PACSIN1: variants seen among roughly 807,000 people sequenced by gnomAD.
The protein encoded by PACSIN1 is protein kinase C and casein kinase substrate in neurons 1.
A neutral mutation model predicts 59.5 loss-of-function variants in PACSIN1; 15 were observed. The ratio of observed to expected loss-of-function variants is 0.25; its 90% CI spans 0.17 to 0.39. PACSIN1 has a LOEUF of 0.39. PACSIN1 is among the 10% of genes least tolerant of loss of function. The probability of loss-of-function intolerance (pLI) is 1.00; values close to 1 mark genes in which losing one functional copy is unlikely to be tolerated. For synonymous variants in PACSIN1, 210 were observed against 220.6 expected, an observed-to-expected ratio of 0.95 and a Z score of 0.42; for missense variants, 420 against 580.2, an observed-to-expected ratio of 0.72 and a Z score of 2.84.
intron 1 of PACSIN1, among the ~76,000 whole-genome samples, chr6:34,484,765 C>T (rs1338019787): frequency 3.3e-5 from 5 of 151,768 alleles, no homozygotes. Context: ...TAAAACTGCT[C>T]TAAAAAATAA....
At chr6:34,472,291 A>G (rs929711865) in intron 1 of PACSIN1, among the ~76,000 whole-genome samples, 10 of 151,550 alleles carry the variant, frequency 6.6e-5, no homozygotes, top group South Asian at 4.2e-4. Context: ...AAAAAAAAAA[A>G]AAAGAACAAT....
chr6:34,490,023 T>C (rs1003477990), intron 1 of PACSIN1, among the ~76,000 whole-genome samples: 7 of 152,046 alleles, frequency 4.6e-5, no homozygotes, highest in Admixed American at 6.6e-5. Context: ...GGACTTTCCA[T>C]TGGGTTGCTG....
intron 1 of PACSIN1, among the ~76,000 whole-genome samples, chr6:34,490,490 C>T (rs1192346581): frequency 6.6e-6 from 1 of 152,100 alleles, no homozygotes; most frequent in African/African-American, 2.4e-5. Context: ...TCTGACCCAG[C>T]TGCTAGCGGT....
At chr6:34,505,854 A>G (rs1767104425) in intron 1 of PACSIN1, among the ~76,000 whole-genome samples, 2 of 151,056 alleles carry the variant, frequency 1.3e-5, no homozygotes, top group African/African-American at 2.4e-5. Flanking sequence ...CTGGTCTCGA[A>G]CTCCTGGCCT....
intron 1 of PACSIN1, among the ~76,000 whole-genome samples, chr6:34,490,100 T>C (rs1766853374): frequency 6.6e-6 from 1 of 151,384 alleles, no homozygotes; most frequent in South Asian, 2.1e-4. Flanking sequence ...CAGGCTGGAG[T>C]ACAGTAGTGT....
intron 1 of PACSIN1, among the ~76,000 whole-genome samples, chr6:34,489,333 A>G (rs1443935521): frequency 6.6e-6 from 1 of 152,214 alleles, no homozygotes; most frequent in Non-Finnish European, 1.5e-5. Flanking sequence ...ATGCTCAACA[A>G]TACAGCACGT....
chr6:34,527,608 T>C (rs1177870977), intron 3 of PACSIN1, 120 bp downstream of exon 3: 58 of 884,156 alleles, frequency 6.6e-5, no homozygotes, highest in Non-Finnish European at 9.1e-5. Flanking sequence ...ACACAGGACA[T>C]TTTCAGGCGC....
Position 34,518,725 on chromosome 6 carries a change from G to T in PACSIN1, c.-63-7518G>T, listed in dbSNP as rs1210809223. On this transcript the variant is annotated intron_variant, in intron 1 of 9. Transcript: ENST00000244458. This position sits in a 1 kb window ranked among gnomAD's most constrained non-coding sequence, Gnocchi z 4.4. Reference sequence around the variant, plus strand: ...GGGTATGTAAACGCCACCTTCCAGTGGCTCTCCACCACCCTTTGCCCTGTC... The same window carrying T: ...GGGTATGTAAACGCCACCTTCCAGTTGCTCTCCACCACCCTTTGCCCTGTC... Among the ~76,000 whole-genome samples, 1 of 152,224 alleles carries T rather than the reference G, an allele frequency of 6.6e-6. No homozygotes were observed. The highest frequency in any genetic ancestry group is 1.5e-5 in the Non-Finnish European group (1 of 68,036).
chr6:34,516,067 G>T lies in PACSIN1; in HGVS notation c.-63-10176G>T, dbSNP rs903683584. ...AGGGAGGAGATGCTAGCCTGCAAGGGGCAGAAGGTTGATGTGTGCAACTAT... is the reference window on the plus strand; with the variant it reads ...AGGGAGGAGATGCTAGCCTGCAAGGTGCAGAAGGTTGATGTGTGCAACTAT... On this transcript the variant is annotated intron_variant, in intron 1 of 9. Coordinates refer to ENST00000244458, the MANE Select transcript of PACSIN1 (RefSeq NM_020804.5). This position sits in a 1 kb window ranked among gnomAD's most constrained non-coding sequence, Gnocchi z 5.4. 2.6e-5 allele frequency among the ~76,000 whole-genome samples: 4 copies of T among 152,138 alleles called. No individual in the cohort carries two copies. Among genetic ancestry groups the T allele is most frequent in the Non-Finnish European group, 4.4e-5 (3 of 68,014 alleles).
intron 1 of PACSIN1, among the ~76,000 whole-genome samples, chr6:34,474,605 C>A (rs1284190929): frequency 6.6e-6 from 1 of 151,952 alleles, no homozygotes; most frequent in Non-Finnish European, 1.5e-5. Flanking sequence ...GCCTGGCCAA[C>A]ATGGTGAAAC....
At chr6:34,520,296 G>A (rs1009587633) in intron 1 of PACSIN1, among the ~76,000 whole-genome samples, 14 of 152,228 alleles carry the variant, frequency 9.2e-5, no homozygotes, top group African/African-American at 3.4e-4. Flanking sequence ...GGCGAGGAGT[G>A]GGTTGGGGGG....
intron 1 of PACSIN1, among the ~76,000 whole-genome samples, chr6:34,504,457 A>C (rs1268882903): frequency 6.6e-6 from 1 of 151,808 alleles, no homozygotes; most frequent in Non-Finnish European, 1.5e-5. Context: ...CACCCAGATA[A>C]TTTTTGTATT....
chr6:34,529,014 C>A lies in PACSIN1; in HGVS notation c.456+137C>A. 1 of 690,002 alleles carries A rather than the reference C, an allele frequency of 1.4e-6. No homozygotes were observed. 42.7% of individuals were successfully genotyped at this position (690,002 alleles called of 1,614,324 possible). On this transcript the variant is annotated intron_variant, in intron 4 of 9. Transcript: ENST00000244458. The surrounding 1 kb of genome is among the most constrained non-coding windows in gnomAD (Gnocchi z 6.3). ...TTGTGCCCACAGGGGAGCAGCACTG[C>A]CTTCCAGGAAAAAATATTCACAGAT...
At chr6:34,475,851 G>A (rs1766632180) in intron 1 of PACSIN1, among the ~76,000 whole-genome samples, 1 of 152,204 alleles carries the variant, frequency 6.6e-6, no homozygotes, top group Non-Finnish European at 1.5e-5. Context: ...CCTAGAGGAG[G>A]AAGCTGAGGT....
chr6:34,478,369 C>CTTTT (rs35124068), intron 1 of PACSIN1, among the ~76,000 whole-genome samples: 4 of 67,888 alleles, frequency 5.9e-5, no homozygotes, highest in African/African-American at 1.9e-4. Flanking sequence ...TATTTATCTT[C>CTTTT]TTTTTTTTTT....
At chr6:34,505,388 A>G (rs943202158) in intron 1 of PACSIN1, among the ~76,000 whole-genome samples, 5 of 151,986 alleles carry the variant, frequency 3.3e-5, no homozygotes, top group Admixed American at 3.3e-4. Context: ...TGCCAAGTTC[A>G]GGATTGTTTT....
chr6:34,497,414 C>A (rs775219718), intron 1 of PACSIN1, among the ~76,000 whole-genome samples: 52 of 152,128 alleles, frequency 3.4e-4, no homozygotes, highest in Non-Finnish European at 6.2e-4. Flanking sequence ...TGCTATCATC[C>A]GCGGTTAAAG....
chr6:34,475,746 T>C (rs57493997), intron 1 of PACSIN1, among the ~76,000 whole-genome samples: 15,084 of 152,262 alleles, frequency 0.099, 857 homozygotes, highest in African/African-American at 0.14. Context: ...AGAAGGACAC[T>C]GGCAGTACCC....
At position 34,529,967 on chromosome 6, in the gene PACSIN1, G is replaced by A. The variant is rs1767560968; in HGVS notation, c.788+126G>A. 2 of 1,132,910 alleles carry A rather than the reference G, an allele frequency of 1.8e-6. No individual in the cohort carries two copies. The highest frequency in any genetic ancestry group is 4.5e-5 in the Admixed American group (2 of 44,462). The allele number at this position is 1,132,910 out of a possible 1,614,324, so 70.2% of individuals were successfully genotyped here. ...GAGGCAGAGCTGCAGGGGTCAAGAA[G>A]GATGAGGCTTCAAACACAGGGGCTG... On this transcript the variant is annotated intron_variant, in intron 6 of 9. Transcript: ENST00000244458. The surrounding 1 kb of genome is among the most constrained non-coding windows in gnomAD (Gnocchi z 6.3).
Sources: gnomAD v4.1 joint callset for allele counts (sites outside exome capture counted in the v4.1 genomes callset) on GRCh38, gnomAD v4.1.1 for gene constraint, Gnocchi (gnomAD v3.1) non-coding constraint, MANE v1.5 for transcripts, NCBI Gene and HGNC (gene_info 2026-07-23, HGNC 2026-07-21) for gene names.